SLC33A2: variants seen among roughly 807,000 people sequenced by gnomAD.
The protein encoded by SLC33A2 is major facilitator superfamily domain containing 3.
chr8:144,509,757 G>C, the SLC33A2 span: 1 of 1,563,978 alleles, frequency 6.4e-7, no homozygotes, highest in Non-Finnish European at 8.6e-7. Context: ...GCAGGTGGTC[G>C]CGTACAAGCT....
the SLC33A2 span, chr8:144,510,184 G>A: frequency 4.0e-5 from 51 of 1,269,606 alleles, no homozygotes; most frequent in Non-Finnish European, 4.7e-5. Context: ...TGTCTTGTCC[G>A]CCCCCAGCTC....
the SLC33A2 span, chr8:144,510,745 GAA>G: frequency 6.2e-7 from 1 of 1,603,940 alleles, no homozygotes; most frequent in Non-Finnish European, 8.5e-7. Flanking sequence ...CCTTGAGGAG[GAA>G]GAGAGGGGCC....
the SLC33A2 span, chr8:144,510,100 C>A: frequency 6.9e-7 from 1 of 1,448,948 alleles, no homozygotes; most frequent in South Asian, 1.3e-5. Context: ...CAACCCATTA[C>A]AGGGCCACGC....
At chr8:144,509,461 C>T in the SLC33A2 span, 2 of 1,536,084 alleles carry the variant, frequency 1.3e-6, no homozygotes, top group Non-Finnish European at 1.7e-6. Context: ...GTGGGGCTGG[C>T]CAAGGTTCTG....
At chr8:144,509,749 A>G in the SLC33A2 span, 2 of 1,566,438 alleles carry the variant, frequency 1.3e-6, no homozygotes, top group Middle Eastern at 1.7e-4. Flanking sequence ...AATACCGTGC[A>G]GGTGGTCGCG....
the SLC33A2 span, chr8:144,509,972 G>T: frequency 3.6e-5 from 57 of 1,595,936 alleles, no homozygotes; most frequent in Non-Finnish European, 4.7e-5. Context: ...TAGCCGTGCC[G>T]GGGACCGTGT....
chr8:144,510,948 G>T, the SLC33A2 span: 2 of 1,599,658 alleles, frequency 1.3e-6, no homozygotes, highest in African/African-American at 1.3e-5. Context: ...CGGGGCTGGG[G>T]CTGTGTGGGC....
chr8:144,510,982 C>G, the SLC33A2 span: 1 of 1,599,914 alleles, frequency 6.3e-7, no homozygotes, highest in Non-Finnish European at 8.5e-7. Context: ...TGACCCCCAC[C>G]CCCCTCAGGC....
chr8:144,509,519 G>C, the SLC33A2 span: 17 of 1,527,898 alleles, frequency 1.1e-5, no homozygotes, highest in African/African-American at 1.4e-5. Flanking sequence ...TGGTGGACGC[G>C]CAGGGCTCGG....
the SLC33A2 span, chr8:144,510,085 G>T: frequency 6.6e-7 from 1 of 1,511,502 alleles, no homozygotes; most frequent in Non-Finnish European, 8.9e-7. Flanking sequence ...GTCCCCAGGG[G>T]CTTGCAACCC....
At chr8:144,510,200 C>G in the SLC33A2 span, 1 of 1,310,880 alleles carries the variant, frequency 7.6e-7, no homozygotes, top group Non-Finnish European at 1.0e-6. Context: ...AGCTCTAGCC[C>G]CATCCCTGAG....
the SLC33A2 span, chr8:144,510,795 G>C: frequency 1.2e-6 from 2 of 1,611,494 alleles, no homozygotes; most frequent in Non-Finnish European, 1.7e-6. Flanking sequence ...CCCTCCCAGG[G>C]TCAGCCTTGC....
the SLC33A2 span, chr8:144,510,934 A>G: frequency 6.2e-7 from 1 of 1,600,542 alleles, no homozygotes; most frequent in Non-Finnish European, 8.5e-7. Flanking sequence ...CACAAGAGAG[A>G]CCACGGGGCT....
At chr8:144,509,696 G>T in the SLC33A2 span, 1 of 1,563,626 alleles carries the variant, frequency 6.4e-7, no homozygotes, top group Non-Finnish European at 8.6e-7. Context: ...CCCTGGACGC[G>T]CTGGCTGTGC....
chr8:144,509,962 T>C, the SLC33A2 span: 1 of 1,595,920 alleles, frequency 6.3e-7, no homozygotes, highest in Non-Finnish European at 8.5e-7. Flanking sequence ...CGGGACGTGC[T>C]AGCCGTGCCG....
At chr8:144,509,564 G>A in the SLC33A2 span, 1 of 1,521,052 alleles carries the variant, frequency 6.6e-7, no homozygotes, top group East Asian at 2.5e-5. Context: ...CGGCGGGCCT[G>A]GGCCTGGTGT....
the SLC33A2 span, chr8:144,510,883 C>T: frequency 3.7e-6 from 6 of 1,607,418 alleles, no homozygotes; most frequent in Non-Finnish European, 4.2e-6. Flanking sequence ...CTGCAGCCAG[C>T]TGGCCCCCAG....
chr8:144,510,567 T>C, the SLC33A2 span: 1 of 1,597,844 alleles, frequency 6.3e-7, no homozygotes, highest in African/African-American at 1.3e-5. Context: ...CCCAATCCAC[T>C]ATACTGACCC....
At chr8:144,511,095 C>T in the SLC33A2 span, 43 of 1,609,668 alleles carry the variant, frequency 2.7e-5, no homozygotes, top group Non-Finnish European at 3.5e-5. Flanking sequence ...ATCCCTGCTT[C>T]TTGCTCCTGC....
Sources: gnomAD v4.1 joint callset for allele counts on GRCh38, gnomAD v4.1.1 for gene constraint, MANE v1.5 for transcripts, NCBI Gene and HGNC (gene_info 2026-07-23, HGNC 2026-07-21) for gene names.